The following CNTNAP2 variants were observed in gnomAD, a reference collection of about 807,000 sequenced individuals.
CNTNAP2 encodes the protein contactin-associated protein-like 2.
CNTNAP2 carries 98 observed loss-of-function variants against 155.2 expected under a neutral mutation model. That is an observed-to-expected ratio of 0.63 (90% CI 0.54 to 0.75). The LOEUF is 0.75. CNTNAP2 is among the 30% of genes least tolerant of loss of function. CNTNAP2 has a pLI of 0.00. For missense variants in CNTNAP2, 1,727 were observed against 1,688.1 expected, an observed-to-expected ratio of 1.02 and a Z score of -0.40; for synonymous variants, 651 against 631.2, an observed-to-expected ratio of 1.03 and a Z score of -0.47.
chr7:146,639,026 A>C (rs1413712321), intron 1 of CNTNAP2, among the ~76,000 whole-genome samples: 1 of 152,192 alleles, frequency 6.6e-6, no homozygotes, highest in Admixed American at 6.5e-5. Context: ...TCTAAAATAG[A>C]AAAGGTACAG....
intron 1 of CNTNAP2, among the ~76,000 whole-genome samples, chr7:146,517,922 G>A (rs1314252440): frequency 6.6e-6 from 1 of 151,780 alleles, no homozygotes; most frequent in Non-Finnish European, 1.5e-5. Flanking sequence ...ATTGGAAGAG[G>A]CGCTTTCAAA....
chr7:146,451,860 T>TAC (rs1339844522), intron 1 of CNTNAP2, among the ~76,000 whole-genome samples: 6 of 60,638 alleles, frequency 9.9e-5, no homozygotes, highest in African/African-American at 1.7e-4. Context: ...GTATTCTATA[T>TAC]ATATATATAC....
intron 12 of CNTNAP2, among the ~76,000 whole-genome samples, chr7:147,610,236 C>T (rs1189462654): frequency 2.0e-5 from 3 of 151,854 alleles, no homozygotes; most frequent in African/African-American, 7.3e-5. Flanking sequence ...TTGTACAGAC[C>T]CGTCAACTTT....
chr7:146,125,130 G>A (rs1797616186), intron 1 of CNTNAP2, among the ~76,000 whole-genome samples: 1 of 152,066 alleles, frequency 6.6e-6, no homozygotes, highest in Non-Finnish European at 1.5e-5. Context: ...TTCCAAAAAT[G>A]AAATTTAATC....
At position 148,062,028 on chromosome 7, in the gene CNTNAP2, A is replaced by AGAGAGAGTGTGT. The variant is rs1388530831; in HGVS notation, c.2384-56089_2384-56088insAGAGAGTGTGTG. On this transcript the variant is annotated intron_variant, in intron 15 of 23. Coordinates refer to ENST00000361727, the MANE Select transcript of CNTNAP2 (RefSeq NM_014141.6). ...ATAGATGATAGAGAGAGAGAGAGAG[A>AGAGAGAGTGTGT]GTGTGTGTGTGTGTGTGTGTGTGTG... 1.5e-4 allele frequency among the ~76,000 whole-genome samples: 16 copies of AGAGAGAGTGTGT among 106,004 alleles called. 1 individual carries two copies. Among genetic ancestry groups the AGAGAGAGTGTGT allele is most frequent in the East Asian group, 1.1e-3 (4 of 3,662 alleles). The allele number at this position is 106,004 out of a possible 152,430, so 69.5% of individuals were successfully genotyped here.
At chr7:148,347,984 G>C (rs1359643186) in intron 21 of CNTNAP2, among the ~76,000 whole-genome samples, 6 of 152,148 alleles carry the variant, frequency 3.9e-5, no homozygotes, top group African/African-American at 1.4e-4. Flanking sequence ...GTGCGTCTGT[G>C]TCTGGGTGAA....
intron 8 of CNTNAP2, among the ~76,000 whole-genome samples, chr7:147,266,234 C>T (rs751037533): frequency 1.3e-5 from 2 of 152,012 alleles, no homozygotes; most frequent in African/African-American, 2.4e-5. Context: ...CTAAGGACCA[C>T]GATAAAAGGC....
intron 1 of CNTNAP2, among the ~76,000 whole-genome samples, chr7:146,759,681 CAAAAAAAAAAA>C (rs376817827): frequency 5.5e-5 from 3 of 54,652 alleles, no homozygotes; most frequent in African/African-American, 8.3e-5. Context: ...GTGAGACTGT[CAAAAAAAAAAA>C]AAAAAAAAAA....
At chr7:146,557,681 C>T (rs1798217225) in intron 1 of CNTNAP2, among the ~76,000 whole-genome samples, 2 of 151,234 alleles carry the variant, frequency 1.3e-5, no homozygotes, top group South Asian at 4.1e-4. Flanking sequence ...GGAGACTTGC[C>T]AGTACCCAGT....
chr7:148,162,363 T>C (rs1215800954), intron 17 of CNTNAP2, among the ~76,000 whole-genome samples: 2 of 152,208 alleles, frequency 1.3e-5, no homozygotes, highest in Non-Finnish European at 2.9e-5. Flanking sequence ...TTAATAATTT[T>C]GAAATTTGGA....
chr7:147,043,141 A>T (rs1363563313), intron 3 of CNTNAP2, among the ~76,000 whole-genome samples: 2 of 152,164 alleles, frequency 1.3e-5, no homozygotes, highest in African/African-American at 4.8e-5. Flanking sequence ...ATGGTTTCAC[A>T]CATCCTTGAA....
At chr7:146,996,864 C>T (rs138527314) in intron 3 of CNTNAP2, among the ~76,000 whole-genome samples, 6 of 152,138 alleles carry the variant, frequency 3.9e-5, no homozygotes, top group Admixed American at 6.6e-5. Flanking sequence ...GGGGAGATAA[C>T]GGAATCATAG....
intron 10 of CNTNAP2, among the ~76,000 whole-genome samples, chr7:147,400,271 A>T (rs1425974092): frequency 1.3e-5 from 2 of 152,092 alleles, no homozygotes; most frequent in Non-Finnish European, 2.9e-5. Context: ...AGGGACGGAC[A>T]TTGAGGGAGA....
At chr7:147,474,133 A>G (rs1798274627) in intron 10 of CNTNAP2, among the ~76,000 whole-genome samples, 1 of 151,970 alleles carries the variant, frequency 6.6e-6, no homozygotes, top group Non-Finnish European at 1.5e-5. Flanking sequence ...GTTTTTACAA[A>G]TGGTTGAATT....
At chr7:146,487,844 A>G (rs950867286) in intron 1 of CNTNAP2, among the ~76,000 whole-genome samples, 1 of 152,200 alleles carries the variant, frequency 6.6e-6, no homozygotes, top group Non-Finnish European at 1.5e-5. Context: ...TGCTTCATTT[A>G]CAATCTTGCT....
intron 5 of CNTNAP2, among the ~76,000 whole-genome samples, chr7:147,116,579 G>A (rs1349512864): frequency 1.3e-5 from 2 of 152,004 alleles, no homozygotes; most frequent in East Asian, 1.9e-4. Flanking sequence ...GAAACAGTCT[G>A]GTCACACCTT....
chr7:148,349,527 G>C (rs910922314), intron 21 of CNTNAP2, among the ~76,000 whole-genome samples: 1 of 150,438 alleles, frequency 6.6e-6, no homozygotes, highest in African/African-American at 2.4e-5. Flanking sequence ...TCAGTCTCCC[G>C]AGTAGCTGGG....
At chr7:147,149,913 C>A (rs1801792614) in intron 8 of CNTNAP2, among the ~76,000 whole-genome samples, 1 of 152,150 alleles carries the variant, frequency 6.6e-6, no homozygotes, top group South Asian at 2.1e-4. Flanking sequence ...ATAACTATCA[C>A]AACTTGGCAA....
chr7:146,476,933 GGT>G (rs2129127742), intron 1 of CNTNAP2, among the ~76,000 whole-genome samples: 1 of 152,100 alleles, frequency 6.6e-6, no homozygotes, highest in African/African-American at 2.4e-5. Flanking sequence ...TTTAAACAAA[GGT>G]AGAGAATAAA....
Sources: allele counts gnomAD v4.1 joint callset (sites outside exome capture counted in the v4.1 genomes callset), GRCh38; gene constraint gnomAD v4.1.1; transcripts MANE v1.5; gene names NCBI Gene and HGNC (gene_info 2026-07-23, HGNC 2026-07-21).